Variants in PRKG1 observed in about 807,000 individuals in gnomAD.
PRKG1 encodes protein kinase cGMP-dependent 1, also known as cGMP-dependent protein kinase 1.
Under a neutral mutation model 88.1 loss-of-function variants are expected in PRKG1, and 35 were observed. The observed-to-expected ratio is 0.40, with a 90% CI of 0.30 to 0.53. The LOEUF (loss-of-function observed/expected upper bound fraction) is 0.53. Ranked by LOEUF, PRKG1 falls within the 20% of genes least tolerant of loss-of-function variation. The pLI, the probability that PRKG1 is intolerant of heterozygous loss-of-function variation, is 0.59. For synonymous variants in PRKG1, 303 were observed against 292.5 expected, an observed-to-expected ratio of 1.04 and a Z score of -0.37; for missense variants, 540 against 839.8, an observed-to-expected ratio of 0.64 and a Z score of 4.41.
At chr10:51,828,141 C>A (rs1165397669) in intron 4 of PRKG1, among the ~76,000 whole-genome samples, 1 of 151,984 alleles carries the variant, frequency 6.6e-6, no homozygotes, top group African/African-American at 2.4e-5. Context: ...ATTGGTGCAA[C>A]CTTTGGATCA....
intron 2 of PRKG1, among the ~76,000 whole-genome samples, chr10:51,304,780 A>AATTTC (rs1046288845): frequency 1.3e-5 from 2 of 151,752 alleles, no homozygotes; most frequent in Non-Finnish European, 2.9e-5. Flanking sequence ...GATGATTTCC[A>AATTTC]ATTTCATCCA....
chr10:51,759,978 T>C (rs1837975684), intron 3 of PRKG1, among the ~76,000 whole-genome samples: 1 of 152,208 alleles, frequency 6.6e-6, no homozygotes, highest in Admixed American at 6.5e-5. Context: ...ATATATAAAA[T>C]TGATAAAACA....
chr10:51,923,891 C>T (rs1483211071), intron 5 of PRKG1, among the ~76,000 whole-genome samples: 1 of 151,514 alleles, frequency 6.6e-6, no homozygotes, highest in African/African-American at 2.4e-5. Context: ...TGCAGTGATG[C>T]AATCACAGCT....
intron 9 of PRKG1, among the ~76,000 whole-genome samples, chr10:52,193,588 T>G (rs1306647011): frequency 7.4e-6 from 1 of 134,814 alleles, no homozygotes; most frequent in African/African-American, 3.0e-5. Context: ...AAAAAAAAAC[T>G]ATTCCAAATG....
intron 5 of PRKG1, among the ~76,000 whole-genome samples, chr10:52,021,733 G>GATT (rs1845190789): frequency 6.6e-6 from 1 of 152,088 alleles, no homozygotes; most frequent in South Asian, 2.1e-4. Context: ...TGATGATGAT[G>GATT]TTGATGTTGT....
chr10:51,503,487 T>C (rs1345992190), intron 3 of PRKG1, among the ~76,000 whole-genome samples: 1 of 152,174 alleles, frequency 6.6e-6, no homozygotes, highest in Non-Finnish European at 1.5e-5. Flanking sequence ...CCCTGTCTTA[T>C]TGCAATGGAG....
At chr10:51,048,915 C>T (rs745490638) in intron 1 of PRKG1, among the ~76,000 whole-genome samples, 2 of 151,716 alleles carry the variant, frequency 1.3e-5, no homozygotes, top group Admixed American at 6.6e-5. Context: ...CAGTCAATAA[C>T]GCTAAGCTTG....
At chr10:51,081,614 T>G (rs114914658) in intron 1 of PRKG1, among the ~76,000 whole-genome samples, 1 of 152,234 alleles carries the variant, frequency 6.6e-6, no homozygotes, top group African/African-American at 2.4e-5. Context: ...GGGCAACAAC[T>G]CAGTGCATCC....
intron 10 of PRKG1, among the ~76,000 whole-genome samples, chr10:52,260,749 A>C (rs1841415387): frequency 6.6e-6 from 1 of 152,024 alleles, no homozygotes; most frequent in African/African-American, 2.4e-5. Context: ...ATAGGTAATA[A>C]AATTCTGTAA....
chr10:52,132,215 G>T (rs1837285932), intron 7 of PRKG1, among the ~76,000 whole-genome samples: 1 of 152,064 alleles, frequency 6.6e-6, no homozygotes, highest in Non-Finnish European at 1.5e-5. Context: ...TCCTTGCTTT[G>T]ATATCAATGA....
chr10:51,781,850 T>A (rs1838597413), intron 3 of PRKG1, among the ~76,000 whole-genome samples: 1 of 152,126 alleles, frequency 6.6e-6, no homozygotes, highest in African/African-American at 2.4e-5. Context: ...ATGTGAACAT[T>A]CACCATCAGT....
intron 3 of PRKG1, among the ~76,000 whole-genome samples, chr10:51,666,208 A>G (rs951451070): frequency 6.6e-6 from 1 of 152,154 alleles, no homozygotes; most frequent in Non-Finnish European, 1.5e-5. Flanking sequence ...CTTTATTCTG[A>G]CAAGCATTGC....
At chr10:51,683,481 G>A (rs1840902352) in intron 3 of PRKG1, among the ~76,000 whole-genome samples, 1 of 152,192 alleles carries the variant, frequency 6.6e-6, no homozygotes, top group South Asian at 2.1e-4. Context: ...TGGCTTTTGA[G>A]AAAAGAAAAG....
In PRKG1 at chr10:50,999,095, A is replaced by G. The variant is rs1386958602; in HGVS notation, c.266+7451A>G. ...TAGAAAATTATGTAGTTTTAAATTC[A>G]ATCAATATTAAGTTTATATTGACTC... On this transcript the variant is annotated intron_variant, in intron 1 of 17. Coordinates refer to the PRKG1 transcript ENST00000401604. Among the ~76,000 whole-genome samples, 3 of 152,354 alleles carry G rather than the reference A, an allele frequency of 2.0e-5. No individual in the cohort carries two copies. In the East Asian group the frequency reaches 5.8e-4, roughly 29 times the overall value.
intron 1 of PRKG1, among the ~76,000 whole-genome samples, chr10:51,042,485 A>G (rs898030929): frequency 8.5e-5 from 13 of 152,232 alleles, no homozygotes; most frequent in Admixed American, 4.6e-4. Context: ...TGAATGAGCC[A>G]TACTGTCGTA....
At chr10:51,074,405 G>C, upstream of PRKG1, 6 of 1,424,790 alleles carry the variant, frequency 4.2e-6, 1 homozygote, top group South Asian at 7.6e-5. Context: ...AATCTGCACT[G>C]AAACTCTGGG....
At chr10:51,880,788 A>G (rs1169599605) in intron 4 of PRKG1, among the ~76,000 whole-genome samples, 1 of 152,158 alleles carries the variant, frequency 6.6e-6, no homozygotes, top group Non-Finnish European at 1.5e-5. Context: ...CAAGAGACAC[A>G]GTTTTGCTTT....
chr10:51,647,960 T>C (rs147959187), intron 3 of PRKG1, among the ~76,000 whole-genome samples: 16 of 152,246 alleles, frequency 1.1e-4, no homozygotes, highest in African/African-American at 3.6e-4. Flanking sequence ...CCCTTTGTGA[T>C]AAAATTATCT....
At chr10:51,247,145 A>C (rs932245028) in intron 2 of PRKG1, among the ~76,000 whole-genome samples, 5 of 152,014 alleles carry the variant, frequency 3.3e-5, no homozygotes, top group African/African-American at 1.2e-4. Flanking sequence ...AGAGACAAGA[A>C]TAGTAGTCAA....
Sources: gnomAD v4.1 joint callset for allele counts (sites outside exome capture counted in the v4.1 genomes callset) on GRCh38, gnomAD v4.1.1 for gene constraint, MANE v1.5 for transcripts, NCBI Gene and HGNC (gene_info 2026-07-23, HGNC 2026-07-21) for gene names.